CARD10: variants seen among roughly 807,000 people sequenced by gnomAD.
The protein encoded by CARD10 is caspase recruitment domain-containing protein 10.
A neutral mutation model predicts 114.6 loss-of-function variants in CARD10; 49 were observed. That is an observed-to-expected ratio of 0.43 (90% CI 0.34 to 0.54). The LOEUF (loss-of-function observed/expected upper bound fraction) is 0.54, where lower values mean the gene tolerates loss of function less well. CARD10 is among the 20% of genes least tolerant of loss of function. The pLI is 0.03. For synonymous variants in CARD10, 602 were observed against 593.2 expected (o/e 1.01, Z -0.21); for missense variants, 1,206 against 1,397.2 (o/e 0.86, Z 2.18).
At chr22:37,509,675 C>T (rs1923551806) in intron 4 of CARD10, among the ~76,000 whole-genome samples, 1 of 148,104 alleles carries the variant, frequency 6.8e-6, no homozygotes, top group Admixed American at 6.7e-5. Flanking sequence ...GCCCTGGTAC[C>T]TGCTGCAGGC....
chr22:37,515,430 G>C (rs944555764), intron 3 of CARD10, among the ~76,000 whole-genome samples: 1 of 152,028 alleles, frequency 6.6e-6, no homozygotes, highest in Non-Finnish European at 1.5e-5. Flanking sequence ...GGGTGTGGTG[G>C]CACGAGCCTG....
intron 3 of CARD10, among the ~76,000 whole-genome samples, chr22:37,511,288 G>T (rs1296853930): frequency 6.8e-6 from 1 of 146,256 alleles, no homozygotes; most frequent in Non-Finnish European, 1.5e-5. Flanking sequence ...GCTTTGGGAG[G>T]TTGAGGCTGC....
intron 7 of CARD10, 22 bp downstream of exon 7, chr22:37,506,170 T>TTCCTGCCAGGACCCCAGCCTTCCTG: frequency 7.0e-7 from 1 of 1,432,062 alleles, no homozygotes; most frequent in Non-Finnish European, 9.1e-7. Context: ...TGCCAGGACC[T>TTCCTGCCAGGACCCCAGCCTTCCTG]CCACAATCTT....
intron 18 of CARD10, 68 bp from the exon 19 acceptor site, chr22:37,491,935 C>A: frequency 9.4e-7 from 1 of 1,063,288 alleles, no homozygotes. Flanking sequence ...GCGCTGCCCC[C>A]AGACGGGTCC....
At position 37,491,263 on chromosome 22, in the gene CARD10, C is replaced by T; in HGVS notation, c.2995G>A (p.Glu999Lys). Residue 999 changes from glutamate (E) to lysine (K), a missense_variant, in exon 20 of 20, where the codon GAG becomes AAG. Coordinates refer to ENST00000251973, the MANE Select transcript of CARD10 (RefSeq NM_014550.4). The stretch of plus-strand genomic sequence containing the variant: ...CGGCCGCGCACCACCTTGGCCAGCT[C>T]CTCTGCGTGTCCCCACTCATGGGCG... ...VPAHEWGHAE[E>K]LAKVVRGRIL... is the part of the protein sequence containing the mutation. 1 of 1,568,596 alleles carries T rather than the reference C, an allele frequency of 6.4e-7. No homozygotes were observed.
intron 2 of CARD10, 96 bp downstream of exon 2, chr22:37,517,875 C>A: frequency 6.9e-7 from 1 of 1,459,440 alleles, no homozygotes; most frequent in South Asian, 1.3e-5. Flanking sequence ...CCTTACTGTT[C>A]AACAGGCATA....
intron 15 of CARD10, among the ~76,000 whole-genome samples, chr22:37,495,188 G>A (rs960397326): frequency 3.9e-5 from 6 of 152,218 alleles, no homozygotes; most frequent in Non-Finnish European, 8.8e-5. Context: ...GGATGGTCTC[G>A]ATCTCCTGAC....
In CARD10 at chr22:37,496,818, G is replaced by A. The variant is rs1923021479; in HGVS notation, c.1947+201C>T. On this transcript the variant is annotated intron_variant, in intron 12 of 19. Coordinates refer to ENST00000251973, the MANE Select transcript of CARD10 (RefSeq NM_014550.4). The surrounding 1 kb of genome is among the most constrained non-coding windows in gnomAD (Gnocchi z 4.1). ...CAGGAATGTAACGTGCTGTCAGTTG[G>A]CTCCACCTCCCAGTCCCTGCCCAAT... is the stretch of plus-strand genomic sequence containing the variant. The A allele has an allele frequency of 1.4e-6, 1 of 692,602 alleles. No individual in the cohort carries two copies. Among genetic ancestry groups the A allele is most frequent in the Admixed American group, 2.7e-5 (1 of 36,440 alleles). 42.9% of individuals were successfully genotyped at this position (692,602 alleles called of 1,614,324 possible). A position where few individuals can be genotyped will look rare whatever the true frequency, so the allele number is the denominator to read the frequency against.
At position 37,519,371 on chromosome 22, in the gene CARD10, C is replaced by T; in HGVS notation, c.-171G>A. ...GCACGCTACAGTCGCCTCGGGCTCC[C>T]GGGTCCGCACTCGGGCGGCGGCTCC... On this transcript the variant is annotated 5_prime_UTR_variant, in exon 1 of 20. Coordinates refer to ENST00000251973, the MANE Select transcript of CARD10 (RefSeq NM_014550.4). The surrounding 1 kb of genome is among the most constrained non-coding windows in gnomAD (Gnocchi z 4.1). 1.6e-6 allele frequency: 2 copies of T among 1,221,836 alleles called. No homozygotes were observed. Among genetic ancestry groups the T allele is most frequent in the Non-Finnish European group, 1.0e-6 (1 of 982,188 alleles). 75.7% of individuals were successfully genotyped at this position (1,221,836 alleles called of 1,614,324 possible). A position where few individuals can be genotyped will look rare whatever the true frequency, so the allele number is the denominator to read the frequency against.
rs1364015010 is a variant in CARD10, at chr22:37,506,218, G to A, written c.1357C>T (p.Arg453Trp). Reference sequence around the variant, plus strand: ...TTGAGGCAGGTGCCACCCTGGGCCCGCTGCAGCTGAACCTCCAGCAGAGCC... The same window carrying A: ...TTGAGGCAGGTGCCACCCTGGGCCCACTGCAGCTGAACCTCCAGCAGAGCC... ...TKALLEVQLQ[R>W]AQGGTCLKAC... is the part of the protein sequence containing the mutation. The change falls in exon 7 of 20, where the codon CGG becomes TGG. Residue 453 changes from arginine (R) to tryptophan (W), a missense_variant. Physicochemically the swap from Arg to Trp is moderately radical, Grantham distance 101 (BLOSUM62 -3). Around this residue, in one of 2 missense-constraint regions of CARD10, gnomAD observed 1,068 missense variants for 1,179.1 expected, o/e 0.91. Coordinates refer to ENST00000251973, the MANE Select transcript of CARD10 (RefSeq NM_014550.4). The A allele has an allele frequency of 4.4e-6, 7 of 1,585,878 alleles. No homozygotes were observed. The highest frequency in any genetic ancestry group is 2.6e-6 in the Non-Finnish European group (3 of 1,163,950).
At chr22:37,509,609 C>CTGG in intron 4 of CARD10, among the ~76,000 whole-genome samples, 1 of 149,830 alleles carries the variant, frequency 6.7e-6, no homozygotes, top group African/African-American at 2.5e-5. Flanking sequence ...AGCCCTGGCC[C>CTGG]TAGTACCTGC....
chr22:37,508,733 T>A lies in CARD10; in HGVS notation c.910-51A>T, dbSNP rs755206513. ...TCAGGGTCTGGCTAGGGGCCCACCC[T>A]GGGTGTGGGAAGGAAGGGGACACGC... On this transcript the variant is annotated intron_variant, in intron 4 of 19. Coordinates refer to ENST00000251973, the MANE Select transcript of CARD10 (RefSeq NM_014550.4). 2.0e-6 allele frequency: 3 copies of A among 1,500,648 alleles called. No individual in the cohort carries two copies. In the South Asian group the frequency reaches 3.7e-5, roughly 19 times the overall value. The allele number at this position is 1,500,648 out of a possible 1,614,324, so 93.0% of individuals were successfully genotyped here. A position where few individuals can be genotyped will look rare whatever the true frequency, so the allele number is the denominator to read the frequency against.
intron 2 of CARD10, among the ~76,000 whole-genome samples, chr22:37,516,981 C>T (rs1192679530): frequency 6.6e-6 from 1 of 152,138 alleles, no homozygotes; most frequent in Non-Finnish European, 1.5e-5. Flanking sequence ...ACATGATCCC[C>T]AGGATTCAAA....
intron 7 of CARD10, among the ~76,000 whole-genome samples, 162 bp from the exon 8 acceptor site, chr22:37,504,931 G>A (rs545181239): frequency 6.6e-6 from 1 of 152,210 alleles, no homozygotes. Context: ...GCAGACATGT[G>A]AACAAAATAG....
intron 3 of CARD10, among the ~76,000 whole-genome samples, chr22:37,513,007 C>T (rs1923714953): frequency 6.6e-6 from 1 of 152,200 alleles, no homozygotes; most frequent in African/African-American, 2.4e-5. Flanking sequence ...GTGCTCTGTT[C>T]AGATCCATCT....
chr22:37,497,198 A>G lies in CARD10; in HGVS notation c.1788-20T>C, dbSNP rs1923037773. The stretch of plus-strand genomic sequence containing the variant: ...AGAGACCTGAGAAGGGAGAAAGGAG[A>G]TGAGAATTGGAGTCCAATCAGTACT... On this transcript the variant is annotated intron_variant, in intron 11 of 19. Transcript: ENST00000251973. The G allele has an allele frequency of 6.2e-7, 1 of 1,603,264 alleles. No individual in the cohort carries two copies. Among genetic ancestry groups the G allele is most frequent in the Non-Finnish European group, 8.5e-7 (1 of 1,175,844 alleles).
intron 10 of CARD10, 112 bp downstream of exon 10, chr22:37,503,073 A>T: frequency 8.3e-7 from 1 of 1,204,124 alleles, no homozygotes. Flanking sequence ...GCGGGGCTTC[A>T]GGGAAGGGGA....
chr22:37,509,782 C>T (rs1923561273), intron 4 of CARD10, among the ~76,000 whole-genome samples: 1 of 116,754 alleles, frequency 8.6e-6, no homozygotes, highest in Non-Finnish European at 2.0e-5. Flanking sequence ...GCCCATGGGC[C>T]CCAGCCCTGG....
At chr22:37,513,724 G>A (rs1181105164) in intron 3 of CARD10, among the ~76,000 whole-genome samples, 1 of 152,098 alleles carries the variant, frequency 6.6e-6, no homozygotes, top group East Asian at 1.9e-4. Context: ...CAGAAAAAAG[G>A]GGAAGCCCTC....
Sources: allele counts gnomAD v4.1 joint callset (sites outside exome capture counted in the v4.1 genomes callset), GRCh38; gene constraint gnomAD v4.1.1; regional missense constraint gnomAD v4.1.1; non-coding constraint Gnocchi (gnomAD v3.1); transcripts MANE v1.5; gene names NCBI Gene and HGNC (gene_info 2026-07-23, HGNC 2026-07-21).